Variants in WASF3 observed in about 807,000 individuals in gnomAD.
WASF3 encodes actin-binding protein WASF3.
Under a neutral mutation model 46.6 loss-of-function variants are expected in WASF3, and 11 were observed. The observed-to-expected ratio is 0.24, with a 90% CI of 0.15 to 0.39. WASF3 has a LOEUF of 0.39. Among genes scored for constraint, WASF3 ranks in the 10% least tolerant of loss-of-function variants. WASF3 has a pLI of 1.00. For missense variants in WASF3, 576 were observed against 669.8 expected (o/e 0.86, Z 1.55); for synonymous variants, 242 against 259.7 (o/e 0.93, Z 0.65).
chr13:26,552,286 T>G, the WASF3 span, among the ~76,000 whole-genome samples: 2 of 152,244 alleles, frequency 1.3e-5, no homozygotes, highest in Non-Finnish European at 2.9e-5. Context: ...TACAGCATAC[T>G]GCACATAGAG....
At chr13:26,678,263 A>AT (rs1017580376) in intron 7 of WASF3, among the ~76,000 whole-genome samples, 9 of 151,336 alleles carry the variant, frequency 5.9e-5, no homozygotes, top group South Asian at 2.1e-4. Flanking sequence ...AGAAATTTTT[A>AT]TTTTTTTTTA....
At chr13:26,657,829 T>C (rs996442875) in intron 3 of WASF3, among the ~76,000 whole-genome samples, 1 of 152,246 alleles carries the variant, frequency 6.6e-6, no homozygotes, top group Non-Finnish European at 1.5e-5. Flanking sequence ...ACTATTCTTA[T>C]TCATCAGAAA....
chr13:26,607,360 G>A (rs749024731), intron 1 of WASF3, among the ~76,000 whole-genome samples: 7 of 152,106 alleles, frequency 4.6e-5, no homozygotes, highest in Non-Finnish European at 7.4e-5. Context: ...GCATTGAATC[G>A]TACCTCATTC....
At chr13:26,650,225 C>T (rs1318977196) in intron 3 of WASF3, among the ~76,000 whole-genome samples, 1 of 152,136 alleles carries the variant, frequency 6.6e-6, no homozygotes, top group East Asian at 1.9e-4. Flanking sequence ...TCCTGCCTAA[C>T]CTGAGGGGAA....
intron 1 of WASF3, chr13:26,577,691 T>C (rs532073761): frequency 2.1e-5 from 20 of 940,778 alleles, no homozygotes; most frequent in Admixed American, 4.4e-5. Context: ...TTCAGACTTA[T>C]AATAATGGCA....
intron 1 of WASF3, among the ~76,000 whole-genome samples, chr13:26,597,440 A>ATTT (rs1381605172): frequency 2.0e-5 from 3 of 150,688 alleles, no homozygotes; most frequent in Admixed American, 6.6e-5. Context: ...TGGCCCCTTG[A>ATTT]TTTTTTGTTG....
chr13:26,678,889 C>T (rs115292444), intron 7 of WASF3, among the ~76,000 whole-genome samples: 134 of 152,328 alleles, frequency 8.8e-4, no homozygotes, highest in African/African-American at 3.2e-3. Flanking sequence ...ATCGACCTCT[C>T]ACACTGAGTC....
chr13:26,563,422 T>A lies in WASF3; in HGVS notation c.-109+5603T>A, dbSNP rs971983192. 4.0e-5 allele frequency among the ~76,000 whole-genome samples: 6 copies of A among 151,870 alleles called. 1 individual carries two copies. The highest frequency in any genetic ancestry group is 6.3e-3 in the Middle Eastern group (2 of 316). ...GCTAACACCTGTAATCCCAGCACTT[T>A]GGGAGGCTGATCACCTCAGGTCAGG... On this transcript the variant is annotated intron_variant, in intron 1 of 9. Transcript: ENST00000335327.
chr13:26,558,027 C>T (rs942769271), intron 1 of WASF3, among the ~76,000 whole-genome samples: 10 of 151,602 alleles, frequency 6.6e-5, no homozygotes, highest in African/African-American at 2.4e-4. Context: ...ATTCTCCCGG[C>T]CGGCTCCCGC....
rs753420601 is a variant in WASF3 at position 26,679,989 on chromosome 13, C to T, written c.717-1065C>T. On this transcript the variant is annotated intron_variant, in intron 7 of 9. Coordinates refer to ENST00000335327, the MANE Select transcript of WASF3 (RefSeq NM_006646.6). This position sits in a 1 kb window ranked among gnomAD's most constrained non-coding sequence, Gnocchi z 4.8. The stretch of plus-strand genomic sequence containing the variant: ...AAGATGGAAATGCAGCGTGCATCTT[C>T]CCTGCTCCCTCAGCACCCCCAATGT... 3.2e-6 allele frequency: 5 copies of T among 1,573,984 alleles called. No homozygotes were observed. Among genetic ancestry groups the T allele is most frequent in the African/African-American group, 2.7e-5 (2 of 74,500 alleles).
intron 1 of WASF3, among the ~76,000 whole-genome samples, chr13:26,573,302 T>G (rs1054001647): frequency 6.6e-6 from 1 of 152,156 alleles, no homozygotes; most frequent in African/African-American, 2.4e-5. Context: ...ATTTTATCTT[T>G]TTTGTATTTG....
intron 2 of WASF3, among the ~76,000 whole-genome samples, chr13:26,630,028 G>A (rs1410858557): frequency 6.6e-6 from 1 of 151,448 alleles, no homozygotes; most frequent in Non-Finnish European, 1.5e-5. Context: ...TGAGTCTCAG[G>A]GCATTTATTT....
At chr13:26,551,748 C>T in the WASF3 span, among the ~76,000 whole-genome samples, 1,104 of 152,146 alleles carry the variant, frequency 7.3e-3, 8 homozygotes, top group South Asian at 0.021. Flanking sequence ...GCATGTAGGG[C>T]GAATGCTAGT....
At chr13:26,654,548 G>C (rs1411307184) in intron 3 of WASF3, among the ~76,000 whole-genome samples, 2 of 152,164 alleles carry the variant, frequency 1.3e-5, no homozygotes, top group African/African-American at 4.8e-5. Flanking sequence ...AAGCAACAAG[G>C]ACAAGGCCTG....
In WASF3 at chr13:26,688,109, T is replaced by G. The variant is rs1045861579; in HGVS notation, c.*2264T>G. ...TTTTGCCCTGTTGTGTACCATAACA[T>G]TTAAAAGAATGGAAAATGACTGAAA... On this transcript the variant is annotated 3_prime_UTR_variant, in exon 10 of 10. Coordinates refer to ENST00000335327, the MANE Select transcript of WASF3 (RefSeq NM_006646.6). 3.3e-5 allele frequency: 5 copies of G among 152,204 alleles called. No individual in the cohort carries two copies. The highest frequency in any genetic ancestry group is 7.3e-5 in the Non-Finnish European group (5 of 68,034). The allele number at this position is 152,204 out of a possible 1,614,324, so 9.4% of individuals were successfully genotyped here. A position where few individuals can be genotyped will look rare whatever the true frequency, so the allele number is the denominator to read the frequency against.
intron 1 of WASF3, among the ~76,000 whole-genome samples, chr13:26,596,989 G>T (rs1280461143): frequency 1.3e-5 from 2 of 152,108 alleles, no homozygotes; most frequent in African/African-American, 2.4e-5. Context: ...ATGTTCACCT[G>T]CTCATCTTTC....
rs142124241 is a variant in WASF3 at position 26,684,888 on chromosome 13, T to C, written c.1352-800T>C. On this transcript the variant is annotated intron_variant, in intron 9 of 9. Coordinates refer to ENST00000335327, the MANE Select transcript of WASF3 (RefSeq NM_006646.6). Reference sequence around the variant, plus strand: ...ACAGTTAAAAAATGAATGGATACCATCTTGGGCAACATTGCAAGACTCTAT... The same window carrying C: ...ACAGTTAAAAAATGAATGGATACCACCTTGGGCAACATTGCAAGACTCTAT... 2.0e-3 allele frequency among the ~76,000 whole-genome samples: 298 copies of C among 152,284 alleles called. 2 individuals are homozygous for C. The highest frequency in any genetic ancestry group is 6.5e-3 in the African/African-American group (270 of 41,560).
At position 26,682,780 on chromosome 13, in the gene WASF3, C is replaced by A. The variant is rs1180746663; in HGVS notation, c.1157C>A (p.Pro386His). 6.2e-7 allele frequency: 1 copy of A among 1,611,906 alleles called. No individual in the cohort carries two copies. Among genetic ancestry groups the A allele is most frequent in the Admixed American group, 1.7e-5 (1 of 60,002 alleles). Reference sequence around the variant, plus strand: ...ACGCACGCAGCTCCTCCTCACCCACCCTCCACCGGGCTCCTGGTCACAGCC... The same window carrying A: ...ACGCACGCAGCTCCTCCTCACCCACACTCCACCGGGCTCCTGGTCACAGCC... ...SSTHAAPPHP[P>H]STGLLVTAPP... The change falls in exon 9 of 10, where the codon CCC becomes CAC. Residue 386 changes from proline to histidine, a missense_variant. By Grantham distance (77) the Pro-to-His change is moderately conservative (BLOSUM62 -2). This residue lies in a region of WASF3 where 295 missense variants were observed against 291.5 expected (regional missense o/e 1.01). Coordinates refer to ENST00000335327, the MANE Select transcript of WASF3 (RefSeq NM_006646.6). The surrounding 1 kb of genome is among the most constrained non-coding windows in gnomAD (Gnocchi z 4.4).
At chr13:26,672,575 G>A (rs1477437597) in intron 6 of WASF3, among the ~76,000 whole-genome samples, 1 of 152,166 alleles carries the variant, frequency 6.6e-6, no homozygotes. Flanking sequence ...CTCAGGTTAA[G>A]GGATTTGTGT....
Sources: allele counts gnomAD v4.1 joint callset (sites outside exome capture counted in the v4.1 genomes callset), GRCh38; gene constraint gnomAD v4.1.1; regional missense constraint gnomAD v4.1.1; non-coding constraint Gnocchi (gnomAD v3.1); transcripts MANE v1.5; gene names NCBI Gene and HGNC (gene_info 2026-07-23, HGNC 2026-07-21).